Variants in ACSL6 observed in about 807,000 individuals in gnomAD.
ACSL6 encodes long-chain-fatty-acid--CoA ligase 6.
Under a neutral mutation model 98.2 loss-of-function variants are expected in ACSL6, and 47 were observed. The observed-to-expected ratio is 0.48, with a 90% CI of 0.38 to 0.61. The LOEUF is 0.61. Among genes scored for constraint, ACSL6 ranks in the 20% least tolerant of loss-of-function variants. The pLI is 0.00. For missense variants in ACSL6, 761 were observed against 913.4 expected, an observed-to-expected ratio of 0.83 and a Z score of 2.15; for synonymous variants, 362 against 336.9, an observed-to-expected ratio of 1.07 and a Z score of -0.82.
chr5:131,973,603 G>C, intron 11 of ACSL6: 1 of 472,330 alleles, frequency 2.1e-6, no homozygotes. Flanking sequence ...CTCAGGCACA[G>C]GGAGATGAAG....
Position 131,950,624 on chromosome 5 carries a change from T to G in ACSL6, c.*3610A>C, listed in dbSNP as rs1170697516. On this transcript the variant is annotated 3_prime_UTR_variant, in exon 21 of 21. Transcript: ENST00000651883. ...CACATTTGTAAGTAGTCTGTTTTCA[T>G]GCAAAAATATATTTTCCCATTCTTC... 5.2e-6 allele frequency: 1 copy of G among 191,024 alleles called. No individual in the cohort carries two copies. The highest frequency in any genetic ancestry group is 1.1e-5 in the Non-Finnish European group (1 of 91,250). The allele number at this position is 191,024 out of a possible 1,614,324, so 11.8% of individuals were successfully genotyped here.
intron 8 of ACSL6, 38 bp from the exon 9 acceptor site, chr5:131,985,496 A>AG: frequency 6.2e-7 from 1 of 1,611,428 alleles, no homozygotes; most frequent in Non-Finnish European, 8.5e-7. Flanking sequence ...AGGGAGACCC[A>AG]GTGTGGCCAG....
intron 9 of ACSL6, among the ~76,000 whole-genome samples, chr5:131,981,615 G>C (rs370628255): frequency 1.8e-4 from 28 of 152,266 alleles, no homozygotes; most frequent in African/African-American, 6.7e-4. Context: ...TTTTGTGCCT[G>C]GTTTCTTTTG....
At chr5:131,975,851 G>A in intron 10 of ACSL6, 6 of 985,460 alleles carry the variant, frequency 6.1e-6, no homozygotes. Flanking sequence ...CTGGCTTTTG[G>A]GCCAGCTTGG....
chr5:131,978,647 C>T (rs1475931259), intron 9 of ACSL6, among the ~76,000 whole-genome samples: 1 of 152,114 alleles, frequency 6.6e-6, no homozygotes, highest in Non-Finnish European at 1.5e-5. Context: ...TTGCAATGTC[C>T]ATAGGACTTT....
chr5:131,958,045 C>T (rs17132144), intron 20 of ACSL6, among the ~76,000 whole-genome samples: 11,346 of 152,240 alleles, frequency 0.075, 585 homozygotes, highest in East Asian at 0.19. Context: ...GTCAAGAACT[C>T]GTCTCCTCTC....
intron 1 of ACSL6, chr5:131,994,458 G>C (rs1051340503): frequency 1.7e-6 from 1 of 579,934 alleles, no homozygotes; most frequent in Non-Finnish European, 3.1e-6. Flanking sequence ...ACACCTGACA[G>C]TCAGATGTCC....
At chr5:132,002,947 C>G (rs942072250) in intron 1 of ACSL6, among the ~76,000 whole-genome samples, 1 of 152,178 alleles carries the variant, frequency 6.6e-6, no homozygotes, top group African/African-American at 2.4e-5. Context: ...GCACTCAGCC[C>G]TGGGGATGCA....
chr5:131,979,065 C>T (rs1347934477), intron 9 of ACSL6, among the ~76,000 whole-genome samples: 2 of 152,146 alleles, frequency 1.3e-5, no homozygotes, highest in Admixed American at 6.5e-5. Context: ...AGAAAAAGTG[C>T]CATGGGGTCT....
chr5:131,972,508 G>A (rs1753366630), intron 13 of ACSL6, among the ~76,000 whole-genome samples: 1 of 152,054 alleles, frequency 6.6e-6, no homozygotes, highest in Non-Finnish European at 1.5e-5. Flanking sequence ...TCCATAGTAG[G>A]TTTTCTTCTT....
intron 11 of ACSL6, 131 bp downstream of exon 11, chr5:131,974,762 A>T: frequency 1.2e-6 from 2 of 1,608,340 alleles, no homozygotes; most frequent in Non-Finnish European, 1.7e-6. Flanking sequence ...CCTTACCTGC[A>T]CCATTCGCTC....
At chr5:132,012,160 C>T (rs139502999), upstream of ACSL6, 3,216 of 480,966 alleles carry the variant, frequency 6.7e-3, 16 homozygotes, top group Middle Eastern at 0.011. Context: ...CCCGAGTTTG[C>T]AGACATGGGG....
chr5:131,990,590 C>T lies in ACSL6; in HGVS notation c.385+263G>A, dbSNP rs1754451201. ...CAGTGGCCTGGCAGTTCAAGGCTCC[C>T]CAAGAGTATAGAGTGTGGGCCAAGT... On this transcript the variant is annotated intron_variant, in intron 3 of 20. Transcript: ENST00000651883. 3.9e-5 allele frequency among the ~76,000 whole-genome samples: 6 copies of T among 152,094 alleles called. No homozygotes were observed. In the South Asian group the frequency reaches 1.2e-3, roughly 32 times the overall value.
chr5:131,979,777 C>A (rs1384979950), intron 9 of ACSL6, among the ~76,000 whole-genome samples: 1 of 152,212 alleles, frequency 6.6e-6, no homozygotes, highest in East Asian at 1.9e-4. Context: ...TTTTCTGGTG[C>A]AATGTCAGTA....
intron 1 of ACSL6, among the ~76,000 whole-genome samples, chr5:131,995,823 C>G (rs1165531983): frequency 6.6e-6 from 1 of 152,234 alleles, no homozygotes; most frequent in African/African-American, 2.4e-5. Context: ...ACCTCCACTT[C>G]CCCATCTTTA....
rs1232284548 is a variant in ACSL6, at chr5:131,988,054, G to A, written c.825C>T (p.Ala275=). The A allele has an allele frequency of 9.3e-6, 15 of 1,613,752 alleles. No homozygotes were observed. Among genetic ancestry groups the A allele is most frequent in the South Asian group, 2.2e-5 (2 of 91,026 alleles). ...KCGVVIKSMQ[A]VEDCGQENHQ... The stretch of plus-strand genomic sequence containing the variant: ...CCCAGAAGCAGACCCTCACCTCCAC[G>A]GCCTGCATGGACTTAATGACCACCC... The change falls in exon 7 of 21, where the codon GCC becomes GCT. Residue 275 remains alanine, a synonymous_variant. Coordinates refer to ENST00000651883, the MANE Select transcript of ACSL6 (RefSeq NM_001009185.3).
intron 11 of ACSL6, chr5:131,973,632 C>T (rs1008912496): frequency 4.3e-4 from 181 of 425,092 alleles, no homozygotes; most frequent in Admixed American, 2.2e-4. Context: ...GGAGTGGAAT[C>T]CTGAGCCTCT....
chr5:131,976,620 C>T (rs1446476373), intron 10 of ACSL6, 28 bp downstream of exon 10: 1 of 1,584,596 alleles, frequency 6.3e-7, no homozygotes, highest in Admixed American at 1.7e-5. Context: ...TCAAGAGACA[C>T]CTGCAACAGT....
At chr5:131,989,311 G>T in intron 5 of ACSL6, 96 bp downstream of exon 5, 4 of 1,211,194 alleles carry the variant, frequency 3.3e-6, no homozygotes, top group Admixed American at 2.0e-5. Flanking sequence ...TTTTTCTTTT[G>T]TCCTGGGCCC....
Sources: allele counts gnomAD v4.1 joint callset (sites outside exome capture counted in the v4.1 genomes callset), GRCh38; gene constraint gnomAD v4.1.1; transcripts MANE v1.5; gene names NCBI Gene and HGNC (gene_info 2026-07-23, HGNC 2026-07-21).